The following JMJD1C variants were observed in gnomAD, a reference collection of about 807,000 sequenced individuals.
JMJD1C encodes jumonji domain-containing protein 1C.
A neutral mutation model predicts 245.3 loss-of-function variants in JMJD1C; 31 were observed. The observed-to-expected ratio is 0.13, with a 90% CI of 0.09 to 0.17. JMJD1C has a LOEUF of 0.17. Ranked by LOEUF, JMJD1C falls within the 10% of genes least tolerant of loss-of-function variation. The pLI is 1.00. For synonymous variants in JMJD1C, 1,057 were observed against 1,017.4 expected (o/e 1.04, Z -0.74); for missense variants, 2,691 against 3,000.2 (o/e 0.90, Z 2.41).
At chr10:63,408,688 T>C (rs1183836250) in intron 1 of JMJD1C, among the ~76,000 whole-genome samples, 2 of 151,460 alleles carry the variant, frequency 1.3e-5, no homozygotes, top group Non-Finnish European at 2.9e-5. Flanking sequence ...GAACGGGCCA[T>C]CAAGTATATC....
intron 1 of JMJD1C, among the ~76,000 whole-genome samples, chr10:63,464,966 A>G (rs1040425441): frequency 2.6e-5 from 4 of 152,224 alleles, no homozygotes; most frequent in African/African-American, 9.6e-5. Context: ...CTCTGCCTCT[A>G]AAACACATAG....
chr10:63,383,705 A>G (rs1054652482), intron 1 of JMJD1C, among the ~76,000 whole-genome samples: 2 of 152,140 alleles, frequency 1.3e-5, no homozygotes, highest in Admixed American at 6.5e-5. Flanking sequence ...GTCTCAAAAA[A>G]TAAAAATCAA....
At chr10:63,181,969 C>T (rs943777892) in intron 22 of JMJD1C, among the ~76,000 whole-genome samples, 8 of 152,268 alleles carry the variant, frequency 5.3e-5, no homozygotes, top group Admixed American at 6.5e-5. Context: ...CTATTATAGT[C>T]AATAGTGTCA....
intron 1 of JMJD1C, among the ~76,000 whole-genome samples, chr10:63,389,914 ATAAT>A (rs1463986122): frequency 6.6e-6 from 1 of 152,194 alleles, no homozygotes; most frequent in African/African-American, 2.4e-5. Flanking sequence ...ATGGAAGTTC[ATAAT>A]TAATACCTAT....
At chr10:63,448,806 T>C (rs1951860140) in intron 1 of JMJD1C, among the ~76,000 whole-genome samples, 1 of 152,158 alleles carries the variant, frequency 6.6e-6, no homozygotes, top group African/African-American at 2.4e-5. Flanking sequence ...AACAGCATTT[T>C]GAAAAAGTAG....
At chr10:63,319,395 C>A (rs1204304765) in intron 2 of JMJD1C, among the ~76,000 whole-genome samples, 2 of 149,800 alleles carry the variant, frequency 1.3e-5, no homozygotes, top group African/African-American at 2.4e-5. Flanking sequence ...AAGTCTTTAG[C>A]ATTTTCTTTA....
intron 1 of JMJD1C, among the ~76,000 whole-genome samples, chr10:63,495,450 A>G (rs556913471): frequency 6.6e-6 from 1 of 152,272 alleles, no homozygotes; most frequent in South Asian, 2.1e-4. Flanking sequence ...TCAACTTTGG[A>G]AGACTCTAAG....
At chr10:63,284,008 T>C (rs1362459796) in intron 2 of JMJD1C, among the ~76,000 whole-genome samples, 1 of 151,800 alleles carries the variant, frequency 6.6e-6, no homozygotes, top group Non-Finnish European at 1.5e-5. Flanking sequence ...ATTTTCTGTT[T>C]TCTTTTCTTC....
intron 1 of JMJD1C, among the ~76,000 whole-genome samples, chr10:63,395,240 A>G (rs1421550319): frequency 1.3e-5 from 2 of 152,176 alleles, no homozygotes; most frequent in Non-Finnish European, 2.9e-5. Flanking sequence ...GCACTTTGGG[A>G]GGCCAAGGCA....
At chr10:63,324,704 A>G (rs1412647889) in intron 2 of JMJD1C, among the ~76,000 whole-genome samples, 4 of 152,322 alleles carry the variant, frequency 2.6e-5, no homozygotes, top group Admixed American at 6.5e-5. Context: ...AAATGGCAAT[A>G]AACAAGTAAA....
intron 1 of JMJD1C, among the ~76,000 whole-genome samples, chr10:63,445,933 T>C (rs1461694565): frequency 7.6e-6 from 1 of 132,230 alleles, no homozygotes; most frequent in Non-Finnish European, 1.6e-5. Flanking sequence ...TGGAGTGCAG[T>C]GGTGTGATCT....
chr10:63,215,284 A>G lies in JMJD1C; in HGVS notation c.994T>C (p.Tyr332His). The part of the protein sequence containing the change: ...PDEEKMKEEK[Y>H]DYISRGENPK... ...CTACCTCCTCGTGATATATAATCAT[A>G]TTTTTCCTCCTTCATCTTCTCTTCA... The change falls in exon 7 of 26, where the codon TAT becomes CAT. Residue 332 changes from tyrosine to histidine, a missense_variant. This residue lies in a region of JMJD1C where 1,562 missense variants were observed against 1,490.7 expected (regional missense o/e 1.05). Transcript: ENST00000399262. 1.2e-6 allele frequency: 2 copies of G among 1,612,264 alleles called. No individual in the cohort carries two copies. Among genetic ancestry groups the G allele is most frequent in the Non-Finnish European group, 1.7e-6 (2 of 1,179,566 alleles).
intron 2 of JMJD1C, among the ~76,000 whole-genome samples, chr10:63,349,748 T>C (rs1052022149): frequency 5.9e-5 from 9 of 152,124 alleles, no homozygotes; most frequent in African/African-American, 1.7e-4. Flanking sequence ...AGAATGGACA[T>C]GTAAAAACAC....
At chr10:63,379,612 G>A (rs74852357) in intron 2 of JMJD1C, among the ~76,000 whole-genome samples, 315 of 152,194 alleles carry the variant, frequency 2.1e-3, no homozygotes, top group African/African-American at 7.4e-3. Flanking sequence ...AGAATTACTC[G>A]TTATTAAATG....
intron 2 of JMJD1C, among the ~76,000 whole-genome samples, chr10:63,292,144 A>ATTTTTTGTTTTTTTTT (rs1858839038): frequency 1.8e-5 from 1 of 56,326 alleles, no homozygotes; most frequent in Non-Finnish European, 3.2e-5. Context: ...GTAGAGACAG[A>ATTTTTTGTTTTTTTTT]TTTTTTTTTT....
intron 2 of JMJD1C, among the ~76,000 whole-genome samples, chr10:63,328,702 C>A (rs552605639): frequency 6.6e-6 from 1 of 152,274 alleles, no homozygotes; most frequent in African/African-American, 2.4e-5. Context: ...GTTTTTACAT[C>A]TTTGTATTCC....
chr10:63,213,340 T>C, intron 8 of JMJD1C, 133 bp downstream of exon 8: 2 of 594,180 alleles, frequency 3.4e-6, no homozygotes, highest in East Asian at 2.7e-5. Flanking sequence ...ACTAAGTGTA[T>C]GGAAAAACAA....
At chr10:63,257,240 A>G (rs1010651019) in intron 3 of JMJD1C, among the ~76,000 whole-genome samples, 3 of 151,790 alleles carry the variant, frequency 2.0e-5, no homozygotes, top group Admixed American at 1.3e-4. Flanking sequence ...AAAAAAAAAA[A>G]AAAAGAAAGA....
intron 1 of JMJD1C, among the ~76,000 whole-genome samples, chr10:63,400,687 C>G (rs1589674661): frequency 6.6e-6 from 1 of 152,054 alleles, no homozygotes; most frequent in East Asian, 1.9e-4. Flanking sequence ...CTCAGCCTCC[C>G]GAGTAGCTGA....
Sources: gnomAD v4.1 joint callset for allele counts (sites outside exome capture counted in the v4.1 genomes callset) on GRCh38, gnomAD v4.1.1 for gene constraint, gnomAD v4.1.1 regional missense constraint, MANE v1.5 for transcripts, NCBI Gene and HGNC (gene_info 2026-07-23, HGNC 2026-07-21) for gene names.